Variants in GALNT13 observed in about 807,000 individuals in gnomAD.
The protein encoded by GALNT13 is UDP-GalNAc:polypeptide N-acetylgalactosaminyltransferase 13.
GALNT13 carries 28 observed loss-of-function variants against 64.2 expected under a neutral mutation model. That is an observed-to-expected ratio of 0.44 (90% CI 0.32 to 0.60). The LOEUF (loss-of-function observed/expected upper bound fraction) is 0.60, where lower values mean the gene tolerates loss of function less well. GALNT13 is among the 20% of genes least tolerant of loss of function. The probability of loss-of-function intolerance (pLI) is 0.05; values close to 1 mark genes in which losing one functional copy is unlikely to be tolerated. For synonymous variants in GALNT13, 214 were observed against 224.6 expected, an observed-to-expected ratio of 0.95 and a Z score of 0.42; for missense variants, 577 against 669.8, an observed-to-expected ratio of 0.86 and a Z score of 1.53.
intron 4 of GALNT13, among the ~76,000 whole-genome samples, chr2:154,176,639 A>G (rs1182555843): frequency 6.6e-6 from 1 of 152,126 alleles, no homozygotes; most frequent in Non-Finnish European, 1.5e-5. Flanking sequence ...TTTATGGTAC[A>G]TATTTATTAT....
intron 8 of GALNT13, among the ~76,000 whole-genome samples, chr2:154,297,073 T>C (rs1395346331): frequency 6.6e-6 from 1 of 152,236 alleles, no homozygotes; most frequent in African/African-American, 2.4e-5. Context: ...ATCACCAGTG[T>C]TTTTTGACAG....
chr2:153,082,616 TATACACACACACACACAC>T, the GALNT13 span, among the ~76,000 whole-genome samples: 193 of 26,546 alleles, frequency 7.3e-3, 1 homozygote, highest in Non-Finnish European at 9.5e-3. Context: ...TATATATATA[TATACACACACACACACAC>T]ACACACACAC....
chr2:153,782,566 A>G, the GALNT13 span, among the ~76,000 whole-genome samples: 1 of 152,214 alleles, frequency 6.6e-6, no homozygotes, highest in Non-Finnish European at 1.5e-5. Flanking sequence ...GCAGTGAATG[A>G]CCAATTAAGT....
chr2:153,521,681 C>T, the GALNT13 span, among the ~76,000 whole-genome samples: 5 of 152,120 alleles, frequency 3.3e-5, no homozygotes, highest in East Asian at 3.9e-4. Flanking sequence ...CAAAATCATC[C>T]GTATTCTGCC....
chr2:153,922,503 T>C (rs1689826797), intron 2 of GALNT13, among the ~76,000 whole-genome samples: 1 of 152,178 alleles, frequency 6.6e-6, no homozygotes, highest in Non-Finnish European at 1.5e-5. Context: ...ACTGTTTCCT[T>C]TTAGAATTTT....
the GALNT13 span, among the ~76,000 whole-genome samples, chr2:153,635,159 C>T: frequency 6.6e-6 from 1 of 151,908 alleles, no homozygotes; most frequent in Non-Finnish European, 1.5e-5. Flanking sequence ...AAAGCATGTG[C>T]TTTATTATTT....
chr2:153,907,401 T>A (rs1336020878), intron 2 of GALNT13, among the ~76,000 whole-genome samples: 2 of 151,910 alleles, frequency 1.3e-5, no homozygotes, highest in African/African-American at 2.4e-5. Context: ...TTATATACAC[T>A]TTTTTAACTT....
chr2:153,182,765 A>G, the GALNT13 span, among the ~76,000 whole-genome samples: 5 of 152,278 alleles, frequency 3.3e-5, no homozygotes, highest in Non-Finnish European at 7.4e-5. Flanking sequence ...TTCCAATTCC[A>G]TCCATATCCC....
the GALNT13 span, among the ~76,000 whole-genome samples, chr2:153,647,337 T>C: frequency 6.6e-6 from 1 of 152,200 alleles, no homozygotes. Context: ...GTAAATTTGT[T>C]TGAGTTCATT....
At chr2:154,224,134 C>A (rs908460086) in intron 4 of GALNT13, among the ~76,000 whole-genome samples, 1 of 151,802 alleles carries the variant, frequency 6.6e-6, no homozygotes, top group South Asian at 2.1e-4. Flanking sequence ...GATATCATGG[C>A]AAAATAATTA....
chr2:154,103,297 G>C (rs1024348980), intron 3 of GALNT13, among the ~76,000 whole-genome samples: 10 of 151,958 alleles, frequency 6.6e-5, no homozygotes, highest in South Asian at 2.1e-4. Flanking sequence ...TGAAAGCTTT[G>C]AACTGTATTT....
intron 9 of GALNT13, among the ~76,000 whole-genome samples, chr2:154,374,306 G>T (rs191053438): frequency 3.2e-4 from 49 of 152,336 alleles, no homozygotes; most frequent in Non-Finnish European, 6.8e-4. Context: ...TGGAGAAGTT[G>T]TGGTAGTTGT....
intron 9 of GALNT13, among the ~76,000 whole-genome samples, chr2:154,353,015 C>A (rs917451746): frequency 6.6e-6 from 1 of 152,126 alleles, no homozygotes; most frequent in Admixed American, 6.5e-5. Context: ...TCTAGTGACT[C>A]GGTAGTTCTT....
intron 8 of GALNT13, among the ~76,000 whole-genome samples, chr2:154,288,243 G>T (rs923766001): frequency 6.6e-6 from 1 of 151,902 alleles, no homozygotes; most frequent in African/African-American, 2.4e-5. Context: ...GCAGCATGGG[G>T]GTAACCACCC....
chr2:153,081,323 A>G, the GALNT13 span, among the ~76,000 whole-genome samples: 2 of 152,290 alleles, frequency 1.3e-5, no homozygotes, highest in African/African-American at 4.8e-5. Context: ...GATGGAGATC[A>G]GGATGTCCAT....
At chr2:153,442,493 A>G in the GALNT13 span, among the ~76,000 whole-genome samples, 18 of 151,922 alleles carry the variant, frequency 1.2e-4, no homozygotes, top group African/African-American at 2.4e-4. Context: ...CTCTTTTTCT[A>G]TTGTTTAGAA....
chr2:154,092,927 C>T (rs891308483), intron 3 of GALNT13, among the ~76,000 whole-genome samples: 6 of 151,636 alleles, frequency 4.0e-5, no homozygotes, highest in Non-Finnish European at 8.8e-5. Context: ...TGTGCCATGC[C>T]CAAGGAAGAA....
At chr2:153,170,769 T>C in the GALNT13 span, among the ~76,000 whole-genome samples, 1 of 152,248 alleles carries the variant, frequency 6.6e-6, no homozygotes, top group Non-Finnish European at 1.5e-5. Context: ...AATGTTTTGA[T>C]GACAGACTGA....
the GALNT13 span, chr2:153,354,176 A>G: frequency 6.6e-6 from 1 of 152,186 alleles, no homozygotes; most frequent in Non-Finnish European, 1.5e-5. Flanking sequence ...TTTTTAATGC[A>G]ACAGATAAAA....
Sources: gnomAD v4.1 joint callset for allele counts (sites outside exome capture counted in the v4.1 genomes callset) on GRCh38, gnomAD v4.1.1 for gene constraint, MANE v1.5 for transcripts, NCBI Gene and HGNC (gene_info 2026-07-23, HGNC 2026-07-21) for gene names.